MAPK8: variants seen among roughly 807,000 people sequenced by gnomAD.
MAPK8 encodes JUN N-terminal kinase.
In MAPK8, 13 loss-of-function variants were observed where a neutral mutation model predicts 52.9. The ratio of observed to expected loss-of-function variants is 0.25; its 90% confidence interval spans 0.16 to 0.39. The LOEUF (loss-of-function observed/expected upper bound fraction) is 0.39, where lower values mean the gene tolerates loss of function less well. MAPK8 is among the 10% of genes least tolerant of loss of function. The probability of loss-of-function intolerance (pLI) is 1.00; values close to 1 mark genes in which losing one functional copy is unlikely to be tolerated. For missense variants in MAPK8, 300 were observed against 519.2 expected, an observed-to-expected ratio of 0.58 and a Z score of 4.10; for synonymous variants, 191 against 169.8, an observed-to-expected ratio of 1.12 and a Z score of -0.97.
intron 1 of MAPK8, among the ~76,000 whole-genome samples, chr10:48,382,193 T>A (rs184907625): frequency 6.6e-6 from 1 of 152,262 alleles, no homozygotes; most frequent in East Asian, 1.9e-4. Flanking sequence ...GCTTCAGACA[T>A]CTAGTAGAGA....
intron 1 of MAPK8, among the ~76,000 whole-genome samples, chr10:48,319,833 A>G (rs940958988): frequency 6.6e-6 from 1 of 151,748 alleles, no homozygotes; most frequent in Non-Finnish European, 1.5e-5. Context: ...ACACTGTGCG[A>G]TCTTTTGTGA....
At chr10:48,317,415 C>T (rs1163236482) in intron 1 of MAPK8, among the ~76,000 whole-genome samples, 2 of 152,076 alleles carry the variant, frequency 1.3e-5, no homozygotes, top group Non-Finnish European at 2.9e-5. Flanking sequence ...TTACCACCTC[C>T]GCCTCCCAAA....
rs575876912 is a variant in MAPK8, at chr10:48,319,867, T to C, written c.-50+13046T>C. On this transcript the variant is annotated intron_variant, in intron 1 of 11. Transcript: ENST00000374189. ...GACTGGCTTATTTCACTTAGCATGATGTTTTTAAGGTTCATGTATCATGTA... is the reference window on the plus strand; with the variant it reads ...GACTGGCTTATTTCACTTAGCATGACGTTTTTAAGGTTCATGTATCATGTA... Among the ~76,000 whole-genome samples the C allele has an allele frequency of 5.3e-5, 8 of 152,216 alleles. No homozygotes were observed. The South Asian group carries it at 1.7e-3, about 32-fold the overall frequency.
Position 48,426,059 on chromosome 10 carries a change from A to G in MAPK8, c.860A>G (p.Asn287Ser). The change falls in exon 8 of 12, where the codon AAC (asparagine) becomes AGC (serine). Residue 287 changes from asparagine (N) to serine (S), a missense_variant. By Grantham distance (46) the Asn-to-Ser change is conservative. Transcript: ENST00000374189. The part of the protein sequence containing the change: ...DVLFPADSEH[N>S]KLKASQARDL... Reference sequence around the variant, plus strand: ...CTTTTCCCAGCTGACTCAGAACACAACAAACTTAAAGGTACTTTTTACAAA... The same window carrying G: ...CTTTTCCCAGCTGACTCAGAACACAGCAAACTTAAAGGTACTTTTTACAAA... 2 of 1,609,416 alleles carry G rather than the reference A, an allele frequency of 1.2e-6. No individual in the cohort carries two copies. The highest frequency in any genetic ancestry group is 1.7e-4 in the Middle Eastern group (1 of 6,028).
chr10:48,362,703 G>GGAA (rs1847646942), intron 1 of MAPK8, among the ~76,000 whole-genome samples: 1 of 149,848 alleles, frequency 6.7e-6, no homozygotes, highest in East Asian at 2.0e-4. Context: ...GTATCACACT[G>GGAA]CTCACGTAAT....
At chr10:48,346,786 A>G (rs914580865) in intron 1 of MAPK8, among the ~76,000 whole-genome samples, 1 of 152,136 alleles carries the variant, frequency 6.6e-6, no homozygotes, top group Non-Finnish European at 1.5e-5. Flanking sequence ...ATAGTCCCTG[A>G]TATGCAGAAA....
At chr10:48,420,087 CT>C (rs1160894767) in intron 5 of MAPK8, 67 bp from the exon 6 acceptor site, 9 of 1,210,710 alleles carry the variant, frequency 7.4e-6, no homozygotes, top group Non-Finnish European at 1.1e-5. Context: ...GATAGTATAA[CT>C]TTATTGTGAA....
intron 1 of MAPK8, among the ~76,000 whole-genome samples, chr10:48,315,538 A>G (rs1211905639): frequency 6.6e-6 from 1 of 151,108 alleles, no homozygotes; most frequent in Non-Finnish European, 1.5e-5. Flanking sequence ...TTGAAGTCTC[A>G]TTTTGAGTTC....
chr10:48,424,590 CCTTAT>C, intron 7 of MAPK8: 2 of 1,569,760 alleles, frequency 1.3e-6, no homozygotes, highest in Non-Finnish European at 1.7e-6. Flanking sequence ...CAGATCGTAT[CCTTAT>C]CTTTGGCCTA....
At chr10:48,317,688 C>T (rs1842634556) in intron 1 of MAPK8, among the ~76,000 whole-genome samples, 1 of 152,078 alleles carries the variant, frequency 6.6e-6, no homozygotes, top group South Asian at 2.1e-4. Flanking sequence ...AGATCTTTTC[C>T]ATCTAACAGG....
At chr10:48,311,637 C>T (rs1011180666) in intron 1 of MAPK8, among the ~76,000 whole-genome samples, 2 of 152,122 alleles carry the variant, frequency 1.3e-5, no homozygotes, top group East Asian at 1.9e-4. Context: ...TTGGGATCTT[C>T]GATTCTGTGA....
At chr10:48,363,855 G>A (rs1198738775) in intron 1 of MAPK8, among the ~76,000 whole-genome samples, 12 of 152,070 alleles carry the variant, frequency 7.9e-5, no homozygotes, top group African/African-American at 7.2e-5. Context: ...AGATTTCCTC[G>A]CATTTTCTGA....
rs193124543 is a variant in MAPK8 at position 48,386,135 on chromosome 10, C to T, written c.-49-15477C>T. On this transcript the variant is annotated intron_variant, in intron 1 of 11. Transcript: ENST00000374189. ...TTGTCTCGTGGTGGTTGAATGTGAT[C>T]AGCATTTTCTTTTATGAGCCTGGGA... is the stretch of plus-strand genomic sequence containing the variant. Among the ~76,000 whole-genome samples the T allele has an allele frequency of 2.0e-5, 3 of 152,194 alleles. No homozygotes were observed. The East Asian group carries it at 5.8e-4, about 29-fold the overall frequency.
intron 5 of MAPK8, among the ~76,000 whole-genome samples, chr10:48,418,816 T>C (rs1416001386): frequency 6.6e-6 from 1 of 152,202 alleles, no homozygotes; most frequent in Non-Finnish European, 1.5e-5. Flanking sequence ...AAAATATCTG[T>C]CTTTAAAAAT....
In MAPK8 at chr10:48,427,133, A is replaced by G; in HGVS notation, c.1050A>G (p.Glu350=). 2 of 1,612,498 alleles carry G rather than the reference A, an allele frequency of 1.2e-6. No individual in the cohort carries two copies. Among genetic ancestry groups the G allele is most frequent in the Non-Finnish European group, 1.7e-6 (2 of 1,178,878 alleles). Residue 350 remains glutamate, a synonymous_variant, in exon 10 of 12, where the codon GAA becomes GAG. Coordinates refer to ENST00000374189, the MANE Select transcript of MAPK8 (RefSeq NM_001323329.2). ...TAGATGAAAGGGAACACACAATAGAAGAGTGGAAAGGTACATTCGTCAGAT... is the reference window on the plus strand; with the variant it reads ...TAGATGAAAGGGAACACACAATAGAGGAGTGGAAAGGTACATTCGTCAGAT... The part of the protein sequence containing the change: ...KQLDEREHTI[E]EWKELIYKEV...
At chr10:48,390,310 C>T (rs2041551234) in intron 1 of MAPK8, among the ~76,000 whole-genome samples, 1 of 152,150 alleles carries the variant, frequency 6.6e-6, no homozygotes, top group African/African-American at 2.4e-5. Flanking sequence ...CACAGAAACA[C>T]CCAGAATAAT....
rs1445535936 is a variant in MAPK8 at position 48,436,592 on chromosome 10, G to C, written c.*1563G>C. 6.6e-6 allele frequency: 1 copy of C among 152,166 alleles called. No individual in the cohort carries two copies. Among genetic ancestry groups the C allele is most frequent in the African/African-American group, 2.4e-5 (1 of 41,434 alleles). 9.4% of individuals were successfully genotyped at this position (152,166 alleles called of 1,614,324 possible). On this transcript the variant is annotated 3_prime_UTR_variant, in exon 12 of 12. Coordinates refer to ENST00000374189, the MANE Select transcript of MAPK8 (RefSeq NM_001323329.2). ...TTTGTGACCAACAGGAGCAAGAACA[G>C]GTGCGGCTCAACATGCAATGTCTGA...
chr10:48,332,555 A>T (rs1844260216), intron 1 of MAPK8, among the ~76,000 whole-genome samples: 1 of 152,132 alleles, frequency 6.6e-6, no homozygotes, highest in Non-Finnish European at 1.5e-5. Flanking sequence ...CTTCTCTCTG[A>T]TAAACTGGGG....
intron 1 of MAPK8, among the ~76,000 whole-genome samples, chr10:48,348,309 T>C (rs538970869): frequency 6.6e-6 from 1 of 152,340 alleles, no homozygotes; most frequent in Non-Finnish European, 1.5e-5. Context: ...ATGGATAGAT[T>C]GCAAAAATTT....
Sources: gnomAD v4.1 joint callset for allele counts (sites outside exome capture counted in the v4.1 genomes callset) on GRCh38, gnomAD v4.1.1 for gene constraint, MANE v1.5 for transcripts, NCBI Gene and HGNC (gene_info 2026-07-23, HGNC 2026-07-21) for gene names.